The following DYNC2I1 variants were observed in gnomAD, a reference collection of about 807,000 sequenced individuals.
DYNC2I1 encodes cytoplasmic dynein 2 intermediate chain 1.
A neutral mutation model predicts 133.4 loss-of-function variants in DYNC2I1; 89 were observed. The observed-to-expected ratio is 0.67, with a 90% CI of 0.56 to 0.80. DYNC2I1 has a LOEUF of 0.80. DYNC2I1 is among the 30% of genes least tolerant of loss of function. DYNC2I1 has a pLI of 0.00. For synonymous variants in DYNC2I1, 504 were observed against 484.3 expected (o/e 1.04, Z -0.54); for missense variants, 1,291 against 1,314.5 (o/e 0.98, Z 0.28).
At chr7:158,882,675 C>G (rs1240879775) in intron 5 of DYNC2I1, among the ~76,000 whole-genome samples, 3 of 152,080 alleles carry the variant, frequency 2.0e-5, no homozygotes, top group Admixed American at 6.6e-5. Flanking sequence ...GAGTTCGAGA[C>G]CAGCCTGGCT....
At position 158,901,360 on chromosome 7, in the gene DYNC2I1, C is replaced by T. The variant is rs376593483; in HGVS notation, c.1060-379C>T. Among the ~76,000 whole-genome samples, 5 of 152,190 alleles carry T rather than the reference C, an allele frequency of 3.3e-5. No homozygotes were observed. The East Asian group carries it at 7.7e-4, about 23-fold the overall frequency. ...GTGCTGGGATTAAAGGTGTGAGCCACAGTGCTCACTACAGCTACACTGTCT... is the reference window on the plus strand; with the variant it reads ...GTGCTGGGATTAAAGGTGTGAGCCATAGTGCTCACTACAGCTACACTGTCT... On this transcript the variant is annotated intron_variant, in intron 8 of 24. Transcript: ENST00000407559.
intron 23 of DYNC2I1, among the ~76,000 whole-genome samples, chr7:158,940,383 C>T (rs1336313265): frequency 6.6e-6 from 1 of 152,154 alleles, no homozygotes; most frequent in African/African-American, 2.4e-5. Flanking sequence ...TGGTAATGCT[C>T]ACTCGCCTGC....
upstream of DYNC2I1, among the ~76,000 whole-genome samples, chr7:158,854,534 C>G (rs968582134): frequency 6.6e-6 from 1 of 152,026 alleles, no homozygotes; most frequent in Non-Finnish European, 1.5e-5. Flanking sequence ...GGAGAAATAC[C>G]TAATGTAGAT....
chr7:158,927,137 C>G, intron 20 of DYNC2I1, 94 bp downstream of exon 20: 2 of 859,976 alleles, frequency 2.3e-6, no homozygotes, highest in Non-Finnish European at 3.6e-6. Context: ...GTGGCTCACA[C>G]CTGCTGGGAG....
chr7:158,906,158 T>G lies in DYNC2I1; in HGVS notation c.1460+67T>G. 2.8e-6 allele frequency: 4 copies of G among 1,417,230 alleles called. No homozygotes were observed. The South Asian group carries it at 5.1e-5, about 18-fold the overall frequency. The allele number at this position is 1,417,230 out of a possible 1,614,324, so 87.8% of individuals were successfully genotyped here. Reference sequence around the variant, plus strand: ...AGCTTAACTTTTCTTTCACATACTTTTAAAAAATCGAGTTTTAAAATGCAT... The same window carrying G: ...AGCTTAACTTTTCTTTCACATACTTGTAAAAAATCGAGTTTTAAAATGCAT... On this transcript the variant is annotated intron_variant, in intron 11 of 24. Transcript: ENST00000407559.
rs1378059060 is a variant in DYNC2I1 at position 158,871,539 on chromosome 7, G to A, written c.467G>A (p.Arg156Gln). 6 of 1,540,724 alleles carry A rather than the reference G, an allele frequency of 3.9e-6. No individual in the cohort carries two copies. The highest frequency in any genetic ancestry group is 2.0e-5 in the Admixed American group (1 of 50,350). ...ACACGCGACCGGCAGCTCCTGGAGC[G>A]GGCGGAGAGGAAAGGCCGCTCAGGT... ...QETRDRQLLE[R>Q]AERKGRSVSK... Residue 156 changes from arginine to glutamine, a missense_variant, in exon 3 of 25, where the codon CGG (arginine) becomes CAG (glutamine). Arg to Gln is a conservative substitution (Grantham distance 43, BLOSUM62 1). Transcript: ENST00000407559.
At position 158,871,487 on chromosome 7, in the gene DYNC2I1, G is replaced by A; in HGVS notation, c.415G>A (p.Ala139Thr). 1 of 1,548,056 alleles carries A rather than the reference G, an allele frequency of 6.5e-7. No homozygotes were observed. Among genetic ancestry groups the A allele is most frequent in the Non-Finnish European group, 8.7e-7 (1 of 1,146,864 alleles). ...ARKEELRQTV[A>T]HHNLLGQETR... The stretch of plus-strand genomic sequence containing the variant: ...GAAGGAAGAGCTCCGGCAGACCGTG[G>A]CCCACCACAACCTGCTGGGCCAGGA... The change falls in exon 3 of 25, where the codon GCC becomes ACC. Residue 139 changes from alanine to threonine, a missense_variant. Physicochemically the swap from Ala to Thr is moderately conservative, Grantham distance 58. Transcript: ENST00000407559.
chr7:158,943,892 C>G (rs1851624470), intron 24 of DYNC2I1, among the ~76,000 whole-genome samples: 1 of 152,114 alleles, frequency 6.6e-6, no homozygotes, highest in Non-Finnish European at 1.5e-5. Context: ...GTCCATCTGT[C>G]AGGAAGGAGG....
At chr7:158,853,734 A>G (rs900675040), upstream of DYNC2I1, among the ~76,000 whole-genome samples, 5 of 151,310 alleles carry the variant, frequency 3.3e-5, no homozygotes, top group African/African-American at 1.2e-4. Context: ...GGCTCACTGC[A>G]ACCTCCCACT....
chr7:158,865,534 A>G (rs976694537), intron 1 of DYNC2I1, among the ~76,000 whole-genome samples: 1 of 152,222 alleles, frequency 6.6e-6, no homozygotes, highest in African/African-American at 2.4e-5. Flanking sequence ...ATGCTGGCCC[A>G]GGACAGGTGC....
chr7:158,900,445 A>G (rs1358054139), intron 8 of DYNC2I1, among the ~76,000 whole-genome samples: 1 of 152,102 alleles, frequency 6.6e-6, no homozygotes, highest in Non-Finnish European at 1.5e-5. Context: ...TATGTTCCTC[A>G]GTAGATAAAG....
intron 13 of DYNC2I1, 76 bp downstream of exon 13, chr7:158,913,172 T>C (rs566810548): frequency 5.4e-6 from 6 of 1,106,314 alleles, no homozygotes; most frequent in Non-Finnish European, 7.8e-6. Context: ...TTATTCCCTT[T>C]CTGGTTCACT....
chr7:158,918,210 T>G (rs1035269543), intron 14 of DYNC2I1, among the ~76,000 whole-genome samples: 26 of 152,290 alleles, frequency 1.7e-4, no homozygotes, highest in Middle Eastern at 3.4e-3. Flanking sequence ...TTGCTTCTCA[T>G]TCAACACTCT....
rs1222943957 is a variant in DYNC2I1 at position 158,876,591 on chromosome 7, A to G, written c.491-18A>G. 3 of 1,548,910 alleles carry G rather than the reference A, an allele frequency of 1.9e-6. No individual in the cohort carries two copies. Among genetic ancestry groups the G allele is most frequent in the South Asian group, 1.3e-5 (1 of 78,798 alleles). On this transcript the variant is annotated intron_variant, in intron 3 of 24. Transcript: ENST00000407559. ...GCTAACATTTGGGAGTATTAAAAAT[A>G]TGTTTTACTTCTTGTAGTAAGTAAA...
At chr7:158,913,369 A>AAT (rs758447988) in intron 13 of DYNC2I1, among the ~76,000 whole-genome samples, 23 of 152,036 alleles carry the variant, frequency 1.5e-4, no homozygotes, top group Non-Finnish European at 3.2e-4. Context: ...GTGTAGAGGG[A>AAT]GAGATTCCAC....
the DYNC2I1 span, among the ~76,000 whole-genome samples, chr7:158,843,554 C>T: frequency 6.6e-6 from 1 of 151,954 alleles, no homozygotes; most frequent in Non-Finnish European, 1.5e-5. Context: ...GCCACCGCAC[C>T]CAGCCTCATT....
At chr7:158,850,878 T>C in the DYNC2I1 span, among the ~76,000 whole-genome samples, 1 of 152,198 alleles carries the variant, frequency 6.6e-6, no homozygotes, top group East Asian at 1.9e-4. Context: ...AGGGAACCTC[T>C]TTTTCCCCAG....
intron 23 of DYNC2I1, among the ~76,000 whole-genome samples, chr7:158,935,072 C>A (rs551247265): frequency 6.6e-6 from 1 of 152,208 alleles, no homozygotes. Context: ...ACCTATGATA[C>A]AGCCAAAAAT....
Position 158,887,018 on chromosome 7 carries a change from C to T in DYNC2I1, c.936-3C>T, listed in dbSNP as rs1410305715. ...TTTGATTTTGATTATGTTTGCTTTC[C>T]AGGCATGCTGAGAATTTAGTAAGGA... On this transcript the variant is annotated splice_polypyrimidine_tract_variant and splice_region_variant and intron_variant, in intron 6 of 24. Transcript: ENST00000407559. 2.5e-6 allele frequency: 4 copies of T among 1,613,536 alleles called. No individual in the cohort carries two copies. Among genetic ancestry groups the T allele is most frequent in the Non-Finnish European group, 1.7e-6 (2 of 1,179,676 alleles).
Sources: gnomAD v4.1 joint callset for allele counts (sites outside exome capture counted in the v4.1 genomes callset) on GRCh38, gnomAD v4.1.1 for gene constraint, MANE v1.5 for transcripts, NCBI Gene and HGNC (gene_info 2026-07-23, HGNC 2026-07-21) for gene names.